The following CDC42SE2 variants were observed in gnomAD, a reference collection of about 807,000 sequenced individuals.
The protein encoded by CDC42SE2 is CDC42 small effector 2.
A neutral mutation model predicts 11.5 loss-of-function variants in CDC42SE2; 3 were observed. That is an observed-to-expected ratio of 0.26 (90% CI 0.12 to 0.67). The LOEUF (loss-of-function observed/expected upper bound fraction) is 0.67, where lower values mean the gene tolerates loss of function less well. CDC42SE2 is among the 30% of genes least tolerant of loss of function. The probability of loss-of-function intolerance (pLI) is 0.80; values close to 1 mark genes in which losing one functional copy is unlikely to be tolerated. For missense variants in CDC42SE2, 82 were observed against 106.8 expected, an observed-to-expected ratio of 0.77 and a Z score of 1.02; for synonymous variants, 33 against 34.8, an observed-to-expected ratio of 0.95 and a Z score of 0.18.
At chr5:131,248,521 T>C (rs989701310) in intron 1 of CDC42SE2, among the ~76,000 whole-genome samples, 2 of 152,168 alleles carry the variant, frequency 1.3e-5, no homozygotes, top group African/African-American at 4.8e-5. Flanking sequence ...TCCTAACAAG[T>C]ACAGAGGCAT....
intron 2 of CDC42SE2, among the ~76,000 whole-genome samples, chr5:131,342,388 C>CTTTTTTTATTTTT (rs1758732329): frequency 9.0e-6 from 1 of 111,334 alleles, no homozygotes; most frequent in African/African-American, 4.4e-5. Flanking sequence ...TTTTAATAGT[C>CTTTTTTTATTTTT]TTTTTTTTTT....
chr5:131,311,345 A>T (rs1580746681), intron 1 of CDC42SE2, among the ~76,000 whole-genome samples: 1 of 151,940 alleles, frequency 6.6e-6, no homozygotes, highest in African/African-American at 2.4e-5. Flanking sequence ...TTTGTGGGTA[A>T]CCCGACTTTT....
At chr5:131,228,122 G>A in the CDC42SE2 span, among the ~76,000 whole-genome samples, 15 of 152,228 alleles carry the variant, frequency 9.9e-5, no homozygotes, top group East Asian at 3.9e-4. Context: ...CATGAGAATC[G>A]CTTGAACCTG....
the CDC42SE2 span, among the ~76,000 whole-genome samples, chr5:131,221,134 C>T: frequency 6.6e-6 from 1 of 152,112 alleles, no homozygotes; most frequent in Non-Finnish European, 1.5e-5. Context: ...GAGCCACCCG[C>T]CTTGGCCTCC....
intron 1 of CDC42SE2, among the ~76,000 whole-genome samples, chr5:131,279,862 C>T (rs1482463020): frequency 6.6e-6 from 1 of 152,058 alleles, no homozygotes; most frequent in African/African-American, 2.4e-5. Flanking sequence ...TGCTTGAGTA[C>T]AGGAGTTCGA....
At chr5:131,278,630 C>A (rs1757155201) in intron 1 of CDC42SE2, among the ~76,000 whole-genome samples, 1 of 145,520 alleles carries the variant, frequency 6.9e-6, no homozygotes. Flanking sequence ...TATCAGCAGA[C>A]CACTGGCAGT....
intron 2 of CDC42SE2, among the ~76,000 whole-genome samples, chr5:131,319,622 A>G (rs1285052652): frequency 6.6e-6 from 1 of 152,234 alleles, no homozygotes; most frequent in East Asian, 1.9e-4. Flanking sequence ...ATCGTAATTC[A>G]GTATCTGAAA....
chr5:131,314,863 A>T (rs1369269194), intron 1 of CDC42SE2, among the ~76,000 whole-genome samples: 1 of 152,172 alleles, frequency 6.6e-6, no homozygotes, highest in South Asian at 2.1e-4. Context: ...ATAATATGGA[A>T]CCTTGACACT....
chr5:131,311,082 G>GT (rs1757898746), intron 1 of CDC42SE2, among the ~76,000 whole-genome samples: 1 of 151,914 alleles, frequency 6.6e-6, no homozygotes, highest in South Asian at 2.1e-4. Flanking sequence ...GCTGGTACCA[G>GT]TTTTTCCTTT....
chr5:131,286,697 C>G (rs1757349156), intron 1 of CDC42SE2, among the ~76,000 whole-genome samples: 1 of 151,862 alleles, frequency 6.6e-6, no homozygotes, highest in Admixed American at 6.6e-5. Context: ...AGGATGAAGA[C>G]TTTATGATGA....
At chr5:131,305,166 T>C (rs1445005480) in intron 1 of CDC42SE2, among the ~76,000 whole-genome samples, 1 of 152,200 alleles carries the variant, frequency 6.6e-6, no homozygotes, top group African/African-American at 2.4e-5. Flanking sequence ...TATTTTGAGA[T>C]TAATCCATGT....
intron 3 of CDC42SE2, among the ~76,000 whole-genome samples, chr5:131,364,240 G>A (rs570157410): frequency 1.3e-5 from 2 of 152,348 alleles, no homozygotes; most frequent in South Asian, 4.1e-4. Flanking sequence ...TGACGTTGGA[G>A]AAATGGGGAT....
intron 1 of CDC42SE2, among the ~76,000 whole-genome samples, chr5:131,305,067 C>T (rs560375049): frequency 6.6e-6 from 1 of 152,142 alleles, no homozygotes; most frequent in East Asian, 1.9e-4. Flanking sequence ...TCTGCTTTTC[C>T]ACCACTAGAG....
intron 1 of CDC42SE2, among the ~76,000 whole-genome samples, chr5:131,305,243 A>C (rs553850310): frequency 2.4e-4 from 36 of 152,166 alleles, no homozygotes; most frequent in Non-Finnish European, 4.7e-4. Flanking sequence ...TCCATTCTCC[A>C]GTTGATGAAT....
chr5:131,324,569 G>A (rs1303330822), intron 2 of CDC42SE2, among the ~76,000 whole-genome samples: 1 of 152,114 alleles, frequency 6.6e-6, no homozygotes, highest in Admixed American at 6.5e-5. Flanking sequence ...CAGAAATCAG[G>A]GCAGGCACTG....
At chr5:131,289,235 A>G (rs1160859323) in intron 1 of CDC42SE2, among the ~76,000 whole-genome samples, 3 of 152,222 alleles carry the variant, frequency 2.0e-5, no homozygotes, top group African/African-American at 7.2e-5. Flanking sequence ...GCTGGTCCTC[A>G]TAGTCAAACC....
chr5:131,235,055 A>C, the CDC42SE2 span, among the ~76,000 whole-genome samples: 1 of 150,634 alleles, frequency 6.6e-6, no homozygotes, highest in Non-Finnish European at 1.5e-5. Flanking sequence ...CACCTGGCTA[A>C]ATTTTTTGTA....
chr5:131,268,251 C>T (rs1756913728), intron 1 of CDC42SE2, among the ~76,000 whole-genome samples: 1 of 151,088 alleles, frequency 6.6e-6, no homozygotes, highest in African/African-American at 2.4e-5. Flanking sequence ...TTAGTAAAGA[C>T]AGGGTTTCTC....
At chr5:131,269,047 C>G (rs746375490) in intron 1 of CDC42SE2, among the ~76,000 whole-genome samples, 1 of 151,996 alleles carries the variant, frequency 6.6e-6, no homozygotes, top group African/African-American at 2.4e-5. Context: ...CCGTGCCAGG[C>G]GAGGAATTTA....
Sources: gnomAD v4.1 joint callset for allele counts (sites outside exome capture counted in the v4.1 genomes callset) on GRCh38, gnomAD v4.1.1 for gene constraint, MANE v1.5 for transcripts, NCBI Gene and HGNC (gene_info 2026-07-23, HGNC 2026-07-21) for gene names.